The following TENM2 variants were observed in gnomAD, a reference collection of about 807,000 sequenced individuals.
The protein encoded by TENM2 is teneurin-2.
TENM2 carries 52 observed loss-of-function variants against 245.2 expected under a neutral mutation model. The observed-to-expected ratio is 0.21, with a 90% confidence interval of 0.17 to 0.27. The LOEUF (loss-of-function observed/expected upper bound fraction) is 0.27, where lower values mean the gene tolerates loss of function less well. Among genes scored for constraint, TENM2 ranks in the 10% least tolerant of loss-of-function variants. The probability of loss-of-function intolerance (pLI) is 1.00; values close to 1 mark genes in which losing one functional copy is unlikely to be tolerated. For synonymous variants in TENM2, 1,363 were observed against 1,438.9 expected (o/e 0.95, Z 1.19); for missense variants, 3,046 against 3,666.8 (o/e 0.83, Z 4.37).
chr5:167,593,439 G>A (rs1401928022), intron 2 of TENM2, among the ~76,000 whole-genome samples: 1 of 152,104 alleles, frequency 6.6e-6, no homozygotes, highest in Non-Finnish European at 1.5e-5. Context: ...CATAAATTCT[G>A]CCTTTCCCCT....
chr5:167,320,632 T>C (rs1404512406), intron 1 of TENM2, among the ~76,000 whole-genome samples: 2 of 152,164 alleles, frequency 1.3e-5, no homozygotes, highest in Admixed American at 6.5e-5. Context: ...GTGAGATTAA[T>C]GCCATTATAA....
Position 168,223,592 on chromosome 5 carries a change from C to T in TENM2, c.5109-2496C>T, listed in dbSNP as rs146667862. On this transcript the variant is annotated intron_variant, in intron 23 of 28. Coordinates refer to ENST00000518659, the Ensembl canonical transcript of TENM2. ...AAGCGATTCTCCTGCTTCAGTCTCCCGAGCACTGGGACTACAGGCACACGG... is the reference window on the plus strand; with the variant it reads ...AAGCGATTCTCCTGCTTCAGTCTCCTGAGCACTGGGACTACAGGCACACGG... Among the ~76,000 whole-genome samples, 405 of 151,882 alleles carry T rather than the reference C, an allele frequency of 2.7e-3. 2 individuals carry two copies. The highest frequency in any genetic ancestry group is 8.8e-3 in the African/African-American group (366 of 41,372).
intron 5 of TENM2, among the ~76,000 whole-genome samples, chr5:168,020,861 G>A (rs994694589): frequency 2.6e-5 from 4 of 152,164 alleles, no homozygotes; most frequent in Non-Finnish European, 5.9e-5. Flanking sequence ...ATTTCTTTGA[G>A]TGCAGTTTCC....
At chr5:167,524,506 A>G (rs1560659) in intron 2 of TENM2, among the ~76,000 whole-genome samples, 4,686 of 152,136 alleles carry the variant, frequency 0.031, 278 homozygotes, top group East Asian at 0.3. Flanking sequence ...AGCGTTTCTC[A>G]AAATGTAATG....
chr5:167,001,983 T>G, the TENM2 span, among the ~76,000 whole-genome samples: 2 of 152,192 alleles, frequency 1.3e-5, no homozygotes, highest in Admixed American at 6.5e-5. Context: ...ATAAAATTCT[T>G]TTTGTACTTA....
chr5:167,067,909 C>T, the TENM2 span, among the ~76,000 whole-genome samples: 24,280 of 152,042 alleles, frequency 0.16, 2,923 homozygotes, highest in East Asian at 0.37. Context: ...GTGATGAGGC[C>T]ACTTGCTCCA....
At chr5:167,203,990 C>T in the TENM2 span, among the ~76,000 whole-genome samples, 1 of 151,700 alleles carries the variant, frequency 6.6e-6, no homozygotes, top group African/African-American at 2.4e-5. Flanking sequence ...GTTATAAAGT[C>T]CAGGAAAAAA....
chr5:167,956,985 A>G (rs556313965), intron 4 of TENM2, among the ~76,000 whole-genome samples: 1 of 152,326 alleles, frequency 6.6e-6, no homozygotes, highest in South Asian at 2.1e-4. Context: ...TGCTGGCCTC[A>G]TAAAATGAGT....
chr5:167,082,778 T>A, the TENM2 span, among the ~76,000 whole-genome samples: 21,623 of 152,162 alleles, frequency 0.14, 2,184 homozygotes, highest in East Asian at 0.37. Context: ...AGGAGCTTTT[T>A]AAAAATTAAT....
chr5:167,948,235 C>T (rs1205621276), intron 3 of TENM2, among the ~76,000 whole-genome samples: 1 of 152,176 alleles, frequency 6.6e-6, no homozygotes, highest in Non-Finnish European at 1.5e-5. Flanking sequence ...GAATTGGTAT[C>T]GTTACTCAAC....
the TENM2 span, among the ~76,000 whole-genome samples, chr5:167,234,686 A>G: frequency 1.3e-5 from 2 of 152,226 alleles, no homozygotes; most frequent in African/African-American, 2.4e-5. Flanking sequence ...GGTCTCTGAT[A>G]CATTTCAAAA....
intron 2 of TENM2, among the ~76,000 whole-genome samples, chr5:167,544,638 A>G (rs1772435062): frequency 6.6e-6 from 1 of 152,160 alleles, no homozygotes. Context: ...TCATTAATTC[A>G]TCTACTTATT....
At chr5:168,250,508 A>C (rs773684404) in intron 27 of TENM2, among the ~76,000 whole-genome samples, 1 of 152,228 alleles carries the variant, frequency 6.6e-6, no homozygotes, top group African/African-American at 2.4e-5. Flanking sequence ...TCCATCCCCA[A>C]GGCAGGAATG....
the TENM2 span, chr5:167,119,688 C>G: frequency 2.6e-5 from 4 of 152,196 alleles, no homozygotes; most frequent in African/African-American, 9.7e-5. Context: ...AAAGGCCCCA[C>G]CTCTTAATAT....
chr5:168,047,361 C>G, intron 5 of TENM2, 66 bp from the exon 8 acceptor site: 1 of 1,542,096 alleles, frequency 6.5e-7, no homozygotes, highest in Non-Finnish European at 8.8e-7. Context: ...GCACCTGGCC[C>G]TCCCCCTTGA....
At chr5:167,631,699 A>AC (rs369218122) in intron 2 of TENM2, among the ~76,000 whole-genome samples, 77 of 151,672 alleles carry the variant, frequency 5.1e-4, no homozygotes, top group African/African-American at 1.8e-3. Flanking sequence ...ACTAGACCTC[A>AC]CCCCCCTGGG....
chr5:167,285,290 C>T (rs770457004), intron 1 of TENM2, among the ~76,000 whole-genome samples: 1 of 152,180 alleles, frequency 6.6e-6, no homozygotes. Flanking sequence ...AGTCCACTTA[C>T]AAGCCTCAAA....
At chr5:167,466,913 C>G (rs1021525851) in intron 2 of TENM2, among the ~76,000 whole-genome samples, 1 of 152,232 alleles carries the variant, frequency 6.6e-6, no homozygotes, top group East Asian at 1.9e-4. Context: ...GTTCGGACTT[C>G]GGGTGCTTTG....
chr5:167,690,923 A>G (rs10057734), intron 2 of TENM2, among the ~76,000 whole-genome samples: 2,852 of 78,714 alleles, frequency 0.036, 99 homozygotes, highest in African/African-American at 0.092. Context: ...ATATGCGAGT[A>G]TGTGTGTGTG....
Sources: gnomAD v4.1 joint callset for allele counts (sites outside exome capture counted in the v4.1 genomes callset) on GRCh38, gnomAD v4.1.1 for gene constraint, MANE v1.5 for transcripts, NCBI Gene and HGNC (gene_info 2026-07-23, HGNC 2026-07-21) for gene names.